Variants in CAMTA1 observed in about 807,000 individuals in gnomAD.
CAMTA1 encodes the protein calmodulin-binding transcription activator 1.
CAMTA1 carries 27 observed loss-of-function variants against 170.9 expected under a neutral mutation model. That is an observed-to-expected ratio of 0.16 (90% CI 0.12 to 0.22). The LOEUF (loss-of-function observed/expected upper bound fraction) is 0.22, where lower values mean the gene tolerates loss of function less well. Ranked by LOEUF, CAMTA1 falls within the 10% of genes least tolerant of loss-of-function variation. CAMTA1 has a pLI of 1.00. For missense variants in CAMTA1, 1,619 were observed against 2,217.2 expected, an observed-to-expected ratio of 0.73 and a Z score of 5.42; for synonymous variants, 833 against 891.5, an observed-to-expected ratio of 0.93 and a Z score of 1.17.
At chr1:7,163,058 G>A (rs1431042836) in intron 4 of CAMTA1, among the ~76,000 whole-genome samples, 2 of 151,968 alleles carry the variant, frequency 1.3e-5, no homozygotes, top group Non-Finnish European at 2.9e-5. Context: ...CTGCCTTCAA[G>A]ATTGTGTAAC....
At chr1:7,302,678 A>G (rs902266147) in intron 5 of CAMTA1, among the ~76,000 whole-genome samples, 2 of 152,156 alleles carry the variant, frequency 1.3e-5, no homozygotes, top group African/African-American at 4.8e-5. Context: ...TGGAGCCCCT[A>G]TTGTGCTTCT....
chr1:7,610,245 C>T (rs1182137578), intron 6 of CAMTA1, among the ~76,000 whole-genome samples: 1 of 152,198 alleles, frequency 6.6e-6, no homozygotes, highest in Non-Finnish European at 1.5e-5. Flanking sequence ...CAAGGCTCAG[C>T]GAGAAGAGCT....
chr1:6,886,012 T>C (rs1673112885), intron 3 of CAMTA1, among the ~76,000 whole-genome samples: 1 of 152,218 alleles, frequency 6.6e-6, no homozygotes, highest in South Asian at 2.1e-4. Context: ...CCATAGCATA[T>C]TGTGATTTAT....
chr1:6,837,246 G>A (rs570878639), intron 3 of CAMTA1, among the ~76,000 whole-genome samples: 3 of 152,210 alleles, frequency 2.0e-5, no homozygotes, highest in Non-Finnish European at 4.4e-5. Flanking sequence ...GTGAGCCACC[G>A]TGCCTGGCAG....
chr1:6,871,731 C>T, intron 3 of CAMTA1: 2 of 1,528,992 alleles, frequency 1.3e-6, no homozygotes, highest in Non-Finnish European at 8.8e-7. Flanking sequence ...ACTAGTTTTA[C>T]TTACTGGAGC....
chr1:7,433,300 C>T (rs1263576718), intron 5 of CAMTA1, among the ~76,000 whole-genome samples: 1 of 152,234 alleles, frequency 6.6e-6, no homozygotes, highest in African/African-American at 2.4e-5. Flanking sequence ...CTCCAGCAAC[C>T]TGAGCAACCT....
At chr1:7,278,385 A>G (rs1574391074) in intron 5 of CAMTA1, among the ~76,000 whole-genome samples, 2 of 152,184 alleles carry the variant, frequency 1.3e-5, no homozygotes, top group Non-Finnish European at 1.5e-5. Flanking sequence ...AGCTCACTCT[A>G]GTGTCTTCTC....
At chr1:7,003,836 C>T (rs1379063651) in intron 3 of CAMTA1, among the ~76,000 whole-genome samples, 2 of 152,112 alleles carry the variant, frequency 1.3e-5, no homozygotes, top group Admixed American at 6.5e-5. Context: ...CTGGTTTATG[C>T]CCTAGGAGGT....
Position 7,309,287 on chromosome 1 carries a change from ATTTTTTTTT to A in CAMTA1, c.438+59683_438+59691del, listed in dbSNP as rs34401498. ...GTCTTTTCATTATTGCAGTTAGAAA[ATTTTTTTTT>A]TTTTTTTTTTTTTTTTTTTTTGAGA... On this transcript the variant is annotated intron_variant, in intron 5 of 22. Transcript: ENST00000303635. 1.3e-4 allele frequency among the ~76,000 whole-genome samples: 9 copies of A among 70,550 alleles called. No homozygotes were observed. In the South Asian group the frequency reaches 2.5e-3, roughly 19 times the overall value. 46.3% of individuals were successfully genotyped at this position (70,550 alleles called of 152,430 possible).
intron 3 of CAMTA1, among the ~76,000 whole-genome samples, chr1:6,891,519 C>T (rs181429373): frequency 6.6e-6 from 1 of 152,262 alleles, no homozygotes. Flanking sequence ...TAAATATTTT[C>T]CCTGCTTGTA....
intron 6 of CAMTA1, among the ~76,000 whole-genome samples, chr1:7,519,656 C>T (rs1213552814): frequency 6.6e-6 from 1 of 151,836 alleles, no homozygotes; most frequent in African/African-American, 2.4e-5. Flanking sequence ...CCCTGAGCTT[C>T]AGGCCGCATA....
intron 11 of CAMTA1, among the ~76,000 whole-genome samples, chr1:7,715,242 A>G (rs1305594901): frequency 1.3e-5 from 2 of 152,182 alleles, no homozygotes; most frequent in South Asian, 4.1e-4. Flanking sequence ...ACTAAGGAGC[A>G]TCTGGAGGTA....
At chr1:7,349,929 C>T (rs1163270431) in intron 5 of CAMTA1, among the ~76,000 whole-genome samples, 1 of 152,136 alleles carries the variant, frequency 6.6e-6, no homozygotes, top group Non-Finnish European at 1.5e-5. Context: ...TGTATAAGCC[C>T]CGGTGAGAAC....
Position 7,378,300 on chromosome 1 carries a change from C to G in CAMTA1, c.439-89530C>G, listed in dbSNP as rs556264177. ...TGCTCTGCCAGAGAGATCCTAGCTTCAGAGAGAGAGAGGAAGCCGTGTTAC... is the reference window on the plus strand; with the variant it reads ...TGCTCTGCCAGAGAGATCCTAGCTTGAGAGAGAGAGAGGAAGCCGTGTTAC... On this transcript the variant is annotated intron_variant, in intron 5 of 22. Coordinates refer to ENST00000303635, the MANE Select transcript of CAMTA1 (RefSeq NM_015215.4). Among the ~76,000 whole-genome samples the G allele has an allele frequency of 2.4e-4, 37 of 152,084 alleles. 1 individual carries two copies. In the South Asian group the frequency reaches 7.3e-3, roughly 30 times the overall value.
At chr1:7,763,231 C>A (rs1033116793) in intron 22 of CAMTA1, among the ~76,000 whole-genome samples, 1 of 152,180 alleles carries the variant, frequency 6.6e-6, no homozygotes, top group African/African-American at 2.4e-5. Context: ...GAATTTAATA[C>A]TTTTTCTCTC....
chr1:7,265,588 A>G (rs1668804392), intron 5 of CAMTA1, among the ~76,000 whole-genome samples: 1 of 152,234 alleles, frequency 6.6e-6, no homozygotes, highest in Non-Finnish European at 1.5e-5. Flanking sequence ...TGCTGGGATT[A>G]CAGGTGTGAG....
At position 7,458,021 on chromosome 1, in the gene CAMTA1, G is replaced by A. The variant is rs553977052; in HGVS notation, c.439-9809G>A. On this transcript the variant is annotated intron_variant, in intron 5 of 22. Coordinates refer to ENST00000303635, the MANE Select transcript of CAMTA1 (RefSeq NM_015215.4). Reference sequence around the variant, plus strand: ...CCCACGTGTCCTGCGCCTGCCTGGCGCTGCCTGGTTCTTCTGGCTGTTTCC... The same window carrying A: ...CCCACGTGTCCTGCGCCTGCCTGGCACTGCCTGGTTCTTCTGGCTGTTTCC... 4.6e-5 allele frequency among the ~76,000 whole-genome samples: 7 copies of A among 152,272 alleles called. No individual in the cohort carries two copies. In the South Asian group the frequency reaches 8.3e-4, roughly 18 times the overall value.
In CAMTA1 at chr1:7,663,579, C is replaced by A; in HGVS notation, c.1032C>A (p.Ser344=). 1 of 1,613,934 alleles carries A rather than the reference C, an allele frequency of 6.2e-7. No individual in the cohort carries two copies. The highest frequency in any genetic ancestry group is 8.5e-7 in the Non-Finnish European group (1 of 1,179,844). Residue 344 remains serine, a synonymous_variant, in exon 9 of 23, where the codon TCC becomes TCA. Coordinates refer to ENST00000303635, the MANE Select transcript of CAMTA1 (RefSeq NM_015215.4). The part of the protein sequence containing the change: ...VLLHQSSTEV[S]STNQVEVPDT... ...TGCACCAGAGCAGCACCGAGGTCTC[C>A]TCCACCAACCAGGTGGAAGTCCCCG...
chr1:7,425,452 G>A (rs2091827040), intron 5 of CAMTA1, among the ~76,000 whole-genome samples: 1 of 152,178 alleles, frequency 6.6e-6, no homozygotes, highest in African/African-American at 2.4e-5. Flanking sequence ...ATGGGGGCAG[G>A]AAGGACAGTC....
Sources: allele counts gnomAD v4.1 joint callset (sites outside exome capture counted in the v4.1 genomes callset), GRCh38; gene constraint gnomAD v4.1.1; transcripts MANE v1.5; gene names NCBI Gene and HGNC (gene_info 2026-07-23, HGNC 2026-07-21).